The following GAD1 variants were observed in gnomAD, a reference collection of about 807,000 sequenced individuals.
The protein encoded by GAD1 is glutamate decarboxylase 1.
A neutral mutation model predicts 75.2 loss-of-function variants in GAD1; 35 were observed. That is an observed-to-expected ratio of 0.47 (90% CI 0.36 to 0.62). The LOEUF is 0.62. GAD1 is among the 20% of genes least tolerant of loss of function. The pLI is 0.00. For synonymous variants in GAD1, 257 were observed against 271.9 expected (o/e 0.95, Z 0.54); for missense variants, 490 against 758.5 (o/e 0.65, Z 4.16).
intron 6 of GAD1, among the ~76,000 whole-genome samples, chr2:170,837,342 C>T (rs1435488301): frequency 6.6e-6 from 1 of 152,130 alleles, no homozygotes; most frequent in Non-Finnish European, 1.5e-5. Context: ...AAAATTCAGC[C>T]GATACTGATA....
At chr2:170,847,559 C>T (rs941181563) in intron 10 of GAD1, 117 bp from the exon 11 acceptor site, 35 of 787,158 alleles carry the variant, frequency 4.4e-5, no homozygotes, top group Non-Finnish European at 7.6e-5. Context: ...TCTGGTAATA[C>T]ATAAGTTTTG....
chr2:170,848,918 A>C (rs1343044585), intron 11 of GAD1: 2 of 426,144 alleles, frequency 4.7e-6, no homozygotes, highest in Non-Finnish European at 9.2e-6. Context: ...ACCAGACAGC[A>C]GGCCTCAGTT....
chr2:170,820,091 C>G (rs961823605), intron 2 of GAD1, among the ~76,000 whole-genome samples: 1 of 152,188 alleles, frequency 6.6e-6, no homozygotes, highest in Non-Finnish European at 1.5e-5. Context: ...GAGGCCTGCG[C>G]GCCTTTGTGT....
chr2:170,826,132 A>G (rs1248538981), intron 3 of GAD1, among the ~76,000 whole-genome samples: 1 of 152,246 alleles, frequency 6.6e-6, no homozygotes, highest in African/African-American at 2.4e-5. Flanking sequence ...ATATGTTTAT[A>G]TTAGCAAATT....
intron 4 of GAD1, among the ~76,000 whole-genome samples, chr2:170,830,262 C>G (rs769014021): frequency 6.6e-6 from 1 of 152,228 alleles, no homozygotes; most frequent in Non-Finnish European, 1.5e-5. Context: ...CAGAGAGTAT[C>G]GTGCACAACT....
At chr2:170,843,469 C>T (rs1702563185) in intron 6 of GAD1, among the ~76,000 whole-genome samples, 1 of 152,146 alleles carries the variant, frequency 6.6e-6, no homozygotes, top group Admixed American at 6.5e-5. Flanking sequence ...TACAGAAAAA[C>T]CATGTAGATA....
chr2:170,847,303 T>C (rs1000759654), intron 10 of GAD1, among the ~76,000 whole-genome samples: 1 of 152,236 alleles, frequency 6.6e-6, no homozygotes, highest in Non-Finnish European at 1.5e-5. Flanking sequence ...TCCTGCTTTA[T>C]TTTTTGCCAT....
At chr2:170,843,800 A>T (rs1702574164) in intron 6 of GAD1, 1 of 506,162 alleles carries the variant, frequency 2.0e-6, no homozygotes, top group Admixed American at 3.3e-5. Context: ...TCAGATAAGA[A>T]TCTATTTTGT....
upstream of GAD1, among the ~76,000 whole-genome samples, chr2:170,814,571 T>C (rs1328943066): frequency 6.6e-6 from 1 of 152,218 alleles, no homozygotes; most frequent in African/African-American, 2.4e-5. Context: ...TGCAGGATAA[T>C]ATAAACCGCA....
At position 170,852,706 on chromosome 2, in the gene GAD1, T is replaced by G; in HGVS notation, c.1185-8T>G. The G allele has an allele frequency of 6.2e-7, 1 of 1,613,980 alleles. No homozygotes were observed. Among genetic ancestry groups the G allele is most frequent in the Non-Finnish European group, 8.5e-7 (1 of 1,179,816 alleles). Reference sequence around the variant, plus strand: ...GCACCTTCTCGAAGTCTCATGTGCTTCTTTCAGGGCCAACTCAGTCACCTG... The same window carrying G: ...GCACCTTCTCGAAGTCTCATGTGCTGCTTTCAGGGCCAACTCAGTCACCTG... On this transcript the variant is annotated splice_region_variant and splice_polypyrimidine_tract_variant and intron_variant, in intron 12 of 16. Coordinates refer to ENST00000358196, the MANE Select transcript of GAD1 (RefSeq NM_000817.3).
At chr2:170,835,547 T>G (rs760292636) in intron 5 of GAD1, among the ~76,000 whole-genome samples, 2 of 152,226 alleles carry the variant, frequency 1.3e-5, no homozygotes, top group Non-Finnish European at 2.9e-5. Context: ...AAATAAGATT[T>G]TGAAGGACTT....
Position 170,845,529 on chromosome 2 carries a change from A to G in GAD1, c.775A>G (p.Ser259Gly), listed in dbSNP as rs760398831. The G allele has an allele frequency of 9.3e-6, 15 of 1,613,792 alleles. No homozygotes were observed. The East Asian group carries it at 3.1e-4, about 34-fold the overall frequency. ...AGGGGGCGCCATATCCAACATGTAC[A>G]GCATCATGGCTGCTCGCTACAAGTA... ...SPGGAISNMY[S>G]IMAARYKYFP... Residue 259 changes from serine to glycine, a missense_variant, in exon 8 of 17, where the codon AGC becomes GGC. Transcript: ENST00000358196.
Position 170,845,774 on chromosome 2 carries a change from G to A in GAD1, c.936G>A (p.Lys312=). The change falls in exon 9 of 17, where the codon AAG becomes AAA. Residue 312 remains lysine (K), a synonymous_variant. Coordinates refer to ENST00000358196, the MANE Select transcript of GAD1 (RefSeq NM_000817.3). The part of the protein sequence containing the change: ...GFGTDNVILI[K]CNERGKIIPA... ...GAACTGACAATGTGATTTTGATAAAGTGCAATGAAAGGTAGGCAGGGGAGG... is the reference window on the plus strand; with the variant it reads ...GAACTGACAATGTGATTTTGATAAAATGCAATGAAAGGTAGGCAGGGGAGG... The A allele has an allele frequency of 1.9e-6, 3 of 1,614,118 alleles. No homozygotes were observed. The highest frequency in any genetic ancestry group is 2.5e-6 in the Non-Finnish European group (3 of 1,179,970).
chr2:170,824,378 TACACACACACACACACACAC>T (rs10529529), intron 3 of GAD1, among the ~76,000 whole-genome samples: 29 of 146,244 alleles, frequency 2.0e-4, no homozygotes, highest in Non-Finnish European at 3.5e-4. Context: ...CCTGCCTGCC[TACACACACACACACACACAC>T]ACACACACAC....
chr2:170,832,094 C>G (rs1702246943), intron 5 of GAD1, among the ~76,000 whole-genome samples: 1 of 152,168 alleles, frequency 6.6e-6, no homozygotes, highest in African/African-American at 2.4e-5. Flanking sequence ...CTGCCCTTGC[C>G]TGTCCCTGAC....
chr2:170,824,961 T>G (rs528949606), intron 3 of GAD1, among the ~76,000 whole-genome samples: 1 of 152,232 alleles, frequency 6.6e-6, no homozygotes, highest in East Asian at 1.9e-4. Context: ...TATGTATGTG[T>G]GTGTAATTTT....
At chr2:170,848,507 A>AG (rs1484654895) in intron 11 of GAD1, among the ~76,000 whole-genome samples, 1 of 151,868 alleles carries the variant, frequency 6.6e-6, no homozygotes, top group Non-Finnish European at 1.5e-5. Flanking sequence ...AAAAAAAAAA[A>AG]AAAAAGAAAA....
At chr2:170,828,480 T>TCACC (rs1702101021) in intron 3 of GAD1, among the ~76,000 whole-genome samples, 1 of 61,006 alleles carries the variant, frequency 1.6e-5, no homozygotes, top group Non-Finnish European at 3.2e-5. Context: ...CTGTCCTTGA[T>TCACC]CTCCTCCCTC....
intron 11 of GAD1, chr2:170,848,542 T>C (rs1702684047): frequency 5.4e-6 from 2 of 372,744 alleles, no homozygotes; most frequent in Admixed American, 7.3e-5. Flanking sequence ...CTGCTACATT[T>C]AGGAAAAATA....
Sources: gnomAD v4.1 joint callset for allele counts (sites outside exome capture counted in the v4.1 genomes callset) on GRCh38, gnomAD v4.1.1 for gene constraint, MANE v1.5 for transcripts, NCBI Gene and HGNC (gene_info 2026-07-23, HGNC 2026-07-21) for gene names.